SRGAP2B: variants seen among roughly 807,000 people sequenced by gnomAD.
SRGAP2B encodes SLIT-ROBO Rho GTPase-activating protein 2B.
Under a neutral mutation model 22.2 loss-of-function variants are expected in SRGAP2B, and 9 were observed. That is an observed-to-expected ratio of 0.41 (90% CI 0.24 to 0.71). The LOEUF (loss-of-function observed/expected upper bound fraction) is 0.71, where lower values mean the gene tolerates loss of function less well. SRGAP2B is among the 30% of genes least tolerant of loss of function. The pLI, the probability that SRGAP2B is intolerant of heterozygous loss-of-function variation, is 0.35. For synonymous variants in SRGAP2B, 36 were observed against 87.4 expected (o/e 0.41, Z 3.28); for missense variants, 114 against 235.8 (o/e 0.48, Z 3.38).
intron 7 of SRGAP2B, among the ~76,000 whole-genome samples, chr1:144,899,698 A>G (rs1265390906): frequency 3.4e-5 from 5 of 148,884 alleles, no homozygotes; most frequent in Admixed American, 3.3e-4. Flanking sequence ...GCCTCAAATG[A>G]GGATAACACC....
At chr1:144,929,394 G>A (rs1420449531) in intron 4 of SRGAP2B, among the ~76,000 whole-genome samples, 6 of 149,906 alleles carry the variant, frequency 4.0e-5, no homozygotes, top group Admixed American at 1.3e-4. Context: ...CCAAGATCAC[G>A]AAGACTTACA....
At chr1:145,061,795 A>G (rs1248360870) in intron 2 of SRGAP2B, among the ~76,000 whole-genome samples, 2 of 134,434 alleles carry the variant, frequency 1.5e-5, no homozygotes, top group Non-Finnish European at 3.2e-5. Context: ...GGGTTTCACC[A>G]TGTTGGCCAG....
At chr1:144,990,669 C>T (rs1480716986) in intron 3 of SRGAP2B, among the ~76,000 whole-genome samples, 3 of 149,482 alleles carry the variant, frequency 2.0e-5, no homozygotes, top group African/African-American at 5.1e-5. Flanking sequence ...GAGCGGGAAC[C>T]GGGGCTGCGT....
intron 2 of SRGAP2B, among the ~76,000 whole-genome samples, chr1:145,088,658 G>C (rs1250515622): frequency 1.5e-5 from 2 of 135,670 alleles, no homozygotes; most frequent in East Asian, 4.2e-4. Flanking sequence ...CAATAGCTGG[G>C]ACTGTATACA....
At chr1:144,985,408 A>G (rs1669638263) in intron 3 of SRGAP2B, among the ~76,000 whole-genome samples, 3 of 149,774 alleles carry the variant, frequency 2.0e-5, no homozygotes, top group Admixed American at 2.0e-4. Flanking sequence ...AAAACTCAAC[A>G]GAAAAAAAAA....
At chr1:144,943,795 C>T (rs1487724971) in intron 4 of SRGAP2B, among the ~76,000 whole-genome samples, 12 of 149,342 alleles carry the variant, frequency 8.0e-5, no homozygotes, top group Non-Finnish European at 1.3e-4. Flanking sequence ...ATAATAGCCT[C>T]AAACTGAAAA....
chr1:144,907,126 GGTGTGTGTGTGC>G (rs1182478281), intron 5 of SRGAP2B, among the ~76,000 whole-genome samples: 6 of 146,864 alleles, frequency 4.1e-5, no homozygotes, highest in African/African-American at 1.3e-4. Context: ...GTAGAAGTTG[GGTGTGTGTGTGC>G]GTGTGTGTGT....
At chr1:144,994,800 A>G (rs1416345710) in intron 3 of SRGAP2B, among the ~76,000 whole-genome samples, 3 of 150,382 alleles carry the variant, frequency 2.0e-5, no homozygotes, top group African/African-American at 7.5e-5. Context: ...TGTTATTATT[A>G]GCATGGTTCA....
chr1:145,065,278 C>A (rs2102421040), intron 2 of SRGAP2B, among the ~76,000 whole-genome samples: 1 of 151,380 alleles, frequency 6.6e-6, no homozygotes, highest in South Asian at 2.1e-4. Flanking sequence ...GGAATTCAGA[C>A]TGCTTAAAGC....
intron 4 of SRGAP2B, among the ~76,000 whole-genome samples, chr1:144,915,663 T>A (rs1553603781): frequency 6.6e-6 from 1 of 150,822 alleles, no homozygotes. Context: ...AAGGTGGAGG[T>A]TGCAGTGAGC....
intron 4 of SRGAP2B, among the ~76,000 whole-genome samples, chr1:144,925,727 AAAAGAAAGAAAGAAAGAAAGAAAGAAAG>A (rs202130146): frequency 1.8e-4 from 19 of 104,208 alleles, no homozygotes; most frequent in East Asian, 1.4e-3. Context: ...AGAGAGAAAG[AAAAGAAAGAAAGAAAGAAAGAAAGAAAG>A]AAAGAAAGAA....
At chr1:144,955,526 G>A in exon 4 of SRGAP2B, 3 of 1,013,742 alleles carry the variant, frequency 3.0e-6, no homozygotes, top group Non-Finnish European at 3.0e-6. Context: ...GGGTGGTATG[G>A]TCCCTGCTTT....
At chr1:144,996,272 G>C (rs1670671992) in intron 2 of SRGAP2B, among the ~76,000 whole-genome samples, 1 of 149,042 alleles carries the variant, frequency 6.7e-6, no homozygotes, top group African/African-American at 2.5e-5. Context: ...CCCCATCTGA[G>C]TCAGAATGGA....
At chr1:144,964,797 T>C (rs1395809080) in intron 3 of SRGAP2B, among the ~76,000 whole-genome samples, 5 of 150,594 alleles carry the variant, frequency 3.3e-5, no homozygotes, top group Non-Finnish European at 7.4e-5. Flanking sequence ...CACGTGCCTG[T>C]ACTCCTGGCT....
At chr1:144,923,981 GAGTTA>G (rs1401236791) in intron 4 of SRGAP2B, among the ~76,000 whole-genome samples, 2 of 75,424 alleles carry the variant, frequency 2.7e-5, no homozygotes, top group Admixed American at 3.2e-4. Flanking sequence ...AGGCTCCAGT[GAGTTA>G]TGAAGACAGC....
chr1:144,920,926 A>G (rs1342525505), intron 4 of SRGAP2B, among the ~76,000 whole-genome samples: 3 of 150,114 alleles, frequency 2.0e-5, no homozygotes, highest in Non-Finnish European at 4.4e-5. Flanking sequence ...AAGCAGGTTC[A>G]ATTATTGAAT....
intron 2 of SRGAP2B, among the ~76,000 whole-genome samples, chr1:145,017,202 T>C (rs1672489544): frequency 1.4e-5 from 2 of 147,456 alleles, no homozygotes; most frequent in South Asian, 4.3e-4. Context: ...AGTGCTGAGA[T>C]TACAGGCATG....
At chr1:145,070,322 G>C (rs1397850318) in intron 2 of SRGAP2B, among the ~76,000 whole-genome samples, 1 of 111,646 alleles carries the variant, frequency 9.0e-6, no homozygotes, top group Non-Finnish European at 1.8e-5. Flanking sequence ...CAACAAGACT[G>C]TCTAATCACC....
chr1:144,966,258 T>C, intron 3 of SRGAP2B, among the ~76,000 whole-genome samples: 1 of 149,798 alleles, frequency 6.7e-6, no homozygotes, highest in South Asian at 2.1e-4. Context: ...CGGGTTACCC[T>C]CAAAGGGAAG....
Sources: gnomAD v4.1 joint callset for allele counts (sites outside exome capture counted in the v4.1 genomes callset) on GRCh38, gnomAD v4.1.1 for gene constraint, MANE v1.5 for transcripts, NCBI Gene and HGNC (gene_info 2026-07-23, HGNC 2026-07-21) for gene names.